Variants in TTLL7 observed in about 807,000 individuals in gnomAD.
The protein encoded by TTLL7 is tubulin polyglutamylase TTLL7.
A neutral mutation model predicts 120.2 loss-of-function variants in TTLL7; 53 were observed. The ratio of observed to expected loss-of-function variants is 0.44; its 90% CI spans 0.35 to 0.55. TTLL7 has a LOEUF of 0.55. Among genes scored for constraint, TTLL7 ranks in the 20% least tolerant of loss-of-function variants. The pLI is 0.00. For missense variants in TTLL7, 803 were observed against 1,054.7 expected, an observed-to-expected ratio of 0.76 and a Z score of 3.31; for synonymous variants, 353 against 351.7, an observed-to-expected ratio of 1.00 and a Z score of -0.04.
chr1:83,960,791 A>G (rs908086091), intron 1 of TTLL7, among the ~76,000 whole-genome samples: 2 of 152,126 alleles, frequency 1.3e-5, no homozygotes, highest in Non-Finnish European at 2.9e-5. Flanking sequence ...GCACAGCTGC[A>G]TGACTGGTAT....
chr1:83,932,040 A>G (rs1221070838), intron 9 of TTLL7, among the ~76,000 whole-genome samples: 4 of 152,294 alleles, frequency 2.6e-5, no homozygotes, highest in African/African-American at 9.6e-5. Flanking sequence ...ACAACGAAGG[A>G]AAGAGTAAAG....
chr1:83,965,608 G>A (rs974283107), intron 1 of TTLL7, among the ~76,000 whole-genome samples: 1 of 151,952 alleles, frequency 6.6e-6, no homozygotes, highest in Non-Finnish European at 1.5e-5. Flanking sequence ...CTACAGTATT[G>A]TTTTTTGCCT....
intron 9 of TTLL7, 59 bp from the exon 10 acceptor site, chr1:83,929,289 T>TAATATTGGATTAACA: frequency 7.7e-7 from 1 of 1,306,630 alleles, no homozygotes; most frequent in Non-Finnish European, 1.1e-6. Flanking sequence ...ACATATTTGT[T>TAATATTGGATTAACA]AATCCAATGT....
chr1:83,882,787 C>T, intron 20 of TTLL7, 176 bp downstream of exon 20: 1 of 595,154 alleles, frequency 1.7e-6, no homozygotes, highest in Non-Finnish European at 2.8e-6. Context: ...TTGTTCAGTC[C>T]CTTAAAGGTA....
At chr1:83,913,187 G>C (rs1166278792) in intron 14 of TTLL7, 1 of 152,034 alleles carries the variant, frequency 6.6e-6, no homozygotes, top group East Asian at 1.9e-4. Context: ...CTACAAAATG[G>C]AATTTGTAAA....
chr1:83,960,886 G>A (rs1018750124), intron 1 of TTLL7, among the ~76,000 whole-genome samples: 13 of 152,114 alleles, frequency 8.5e-5, no homozygotes, highest in African/African-American at 1.4e-4. Flanking sequence ...GGTATTTAGA[G>A]AAGCTACTTA....
rs951296770 is a variant in TTLL7, at chr1:83,870,011, C to A, written c.2615G>T (p.Gly872Val). ...PTYNLKYNSP[G>V]MTRSNVLFTS... ...AAACAAAACATTGGAGCGAGTCATT[C>A]CAGGTGAATTGTACTTCAAGTTGTA... Residue 872 changes from glycine to valine, a missense_variant, in exon 21 of 21, where the codon GGA (glycine) becomes GTA (valine). This residue lies in a region of TTLL7 where 388 missense variants were observed against 450.4 expected (regional missense o/e 0.86). Coordinates refer to ENST00000260505, the MANE Select transcript of TTLL7 (RefSeq NM_024686.6). The A allele has an allele frequency of 1.3e-6, 2 of 1,589,458 alleles. No homozygotes were observed. Among genetic ancestry groups the A allele is most frequent in the East Asian group, 2.3e-5 (1 of 43,036 alleles).
At chr1:83,928,660 T>C (rs950961503) in intron 10 of TTLL7, among the ~76,000 whole-genome samples, 8 of 152,132 alleles carry the variant, frequency 5.3e-5, no homozygotes, top group Admixed American at 2.0e-4. Context: ...GGAAGACCTC[T>C]GGAGAGAAAG....
chr1:83,919,171 G>A (rs1293902144), intron 13 of TTLL7, among the ~76,000 whole-genome samples: 1 of 151,894 alleles, frequency 6.6e-6, no homozygotes, highest in African/African-American at 2.4e-5. Flanking sequence ...GCCCAGCCAC[G>A]ATTGCAGAGT....
chr1:83,964,886 G>C (rs544379096), intron 1 of TTLL7, among the ~76,000 whole-genome samples: 2 of 152,176 alleles, frequency 1.3e-5, no homozygotes, highest in South Asian at 4.1e-4. Flanking sequence ...TTTCAGTTGT[G>C]CCTCATGGGA....
intron 20 of TTLL7, among the ~76,000 whole-genome samples, chr1:83,882,259 A>G (rs1284554818): frequency 6.7e-6 from 1 of 149,598 alleles, no homozygotes. Context: ...TAAAAATAAT[A>G]ATAATAATAA....
chr1:83,951,704 G>T, intron 3 of TTLL7, 141 bp downstream of exon 3: 4 of 883,816 alleles, frequency 4.5e-6, no homozygotes, highest in African/African-American at 1.7e-5. Context: ...CTTCTAATAT[G>T]TTAGAAATTT....
chr1:83,910,866 T>A (rs1205793748), intron 15 of TTLL7, among the ~76,000 whole-genome samples: 2 of 152,130 alleles, frequency 1.3e-5, no homozygotes, highest in Admixed American at 6.6e-5. Flanking sequence ...AAGAGACACA[T>A]AATCATCAGA....
intron 1 of TTLL7, among the ~76,000 whole-genome samples, chr1:83,961,481 A>T (rs1650014890): frequency 6.6e-6 from 1 of 152,138 alleles, no homozygotes; most frequent in African/African-American, 2.4e-5. Context: ...TTATGACATG[A>T]AAAAGCAGGA....
chr1:83,935,328 G>C (rs1394708474), intron 8 of TTLL7, among the ~76,000 whole-genome samples: 1 of 152,028 alleles, frequency 6.6e-6, no homozygotes, highest in Non-Finnish European at 1.5e-5. Context: ...AACAGACCCT[G>C]AATTACAAAT....
chr1:83,930,780 T>A lies in TTLL7; in HGVS notation c.1048-1550A>T, dbSNP rs142514007. Among the ~76,000 whole-genome samples, 23 of 152,224 alleles carry A rather than the reference T, an allele frequency of 1.5e-4. No individual in the cohort carries two copies. The East Asian group carries it at 4.4e-3, about 29-fold the overall frequency. ...TTCCATTCCAAATTTCAGTGTGGAATTGTGCCAGGCATATCCCTCCTCCAG... is the reference window on the plus strand; with the variant it reads ...TTCCATTCCAAATTTCAGTGTGGAAATGTGCCAGGCATATCCCTCCTCCAG... On this transcript the variant is annotated intron_variant, in intron 9 of 20. Transcript: ENST00000260505.
chr1:83,916,881 G>A (rs78923633), intron 14 of TTLL7, among the ~76,000 whole-genome samples: 3,005 of 152,084 alleles, frequency 0.02, 100 homozygotes, highest in African/African-American at 0.067. Flanking sequence ...CCTGAAACCA[G>A]GGGTTCAAGA....
At chr1:83,969,873 T>G (rs1305529536) in intron 1 of TTLL7, among the ~76,000 whole-genome samples, 1 of 151,972 alleles carries the variant, frequency 6.6e-6, no homozygotes, top group Non-Finnish European at 1.5e-5. Flanking sequence ...TAAGAATGAT[T>G]CATAATAAAT....
rs751163804 is a variant in TTLL7 at position 83,911,167 on chromosome 1, G to C, written c.1784C>G (p.Pro595Arg). The change falls in exon 15 of 21, where the codon CCC (proline) becomes CGC (arginine). Residue 595 changes from proline to arginine, a missense_variant and splice_region_variant. Physicochemically the swap from Pro to Arg is moderately radical, Grantham distance 103. This residue lies in a region of TTLL7 where 388 missense variants were observed against 450.4 expected (regional missense o/e 0.86). Transcript: ENST00000260505. The part of the protein sequence containing the change: ...PSNHYKLIQQ[P>R]SSIRRSVSCP... ...TAAATTAGAAGAAATTGACTTACTG[G>C]GTTGTTGAATTAATTTGTAGTGGTT... The C allele has an allele frequency of 3.7e-6, 6 of 1,604,052 alleles. No homozygotes were observed. Among genetic ancestry groups the C allele is most frequent in the South Asian group, 1.1e-5 (1 of 90,496 alleles).
Sources: gnomAD v4.1 joint callset for allele counts (sites outside exome capture counted in the v4.1 genomes callset) on GRCh38, gnomAD v4.1.1 for gene constraint, gnomAD v4.1.1 regional missense constraint, MANE v1.5 for transcripts, NCBI Gene and HGNC (gene_info 2026-07-23, HGNC 2026-07-21) for gene names.